The following MYO15B variants were observed in gnomAD, a reference collection of about 807,000 sequenced individuals.
The protein encoded by MYO15B is myosin XVB.
A neutral mutation model predicts 119.3 loss-of-function variants in MYO15B; 207 were observed. The observed-to-expected ratio is 1.73, with a 90% CI of 1.55 to 1.95. MYO15B has a LOEUF of 1.95. MYO15B is among the 30% of genes most tolerant of loss of function. The probability of loss-of-function intolerance (pLI) is 0.00; values close to 1 mark genes in which losing one functional copy is unlikely to be tolerated. For synonymous variants in MYO15B, 966 were observed against 498.9 expected (o/e 1.94, Z -12.48); for missense variants, 2,264 against 1,203.1 (o/e 1.88, Z -13.04).
At position 75,617,784 on chromosome 17, in the gene MYO15B, G is replaced by T. The variant is rs2058467840; in HGVS notation, c.6815-26G>T. On this transcript the variant is annotated intron_variant, in intron 41 of 63. Transcript: ENST00000645453. Reference sequence around the variant, plus strand: ...TCTGGCTCTGCAGCCCCTCACTGAGGCTCCTCACCCCCTCCTCTCTGCCAG... The same window carrying T: ...TCTGGCTCTGCAGCCCCTCACTGAGTCTCCTCACCCCCTCCTCTCTGCCAG... 7.2e-6 allele frequency: 5 copies of T among 692,066 alleles called. No individual in the cohort carries two copies. In the East Asian group the frequency reaches 1.4e-4, roughly 19 times the overall value. The allele number at this position is 692,066 out of a possible 1,614,324, so 42.9% of individuals were successfully genotyped here.
exon 48 of MYO15B, chr17:75,620,250 C>T: frequency 1.4e-6 from 1 of 702,836 alleles, no homozygotes; most frequent in South Asian, 1.5e-5. Flanking sequence ...CCACAGGACT[C>T]CGGCTATGTC....
chr17:75,615,072 G>T (rs570372785), intron 33 of MYO15B, 30 bp downstream of exon 33: 2 of 698,190 alleles, frequency 2.9e-6, no homozygotes, highest in African/African-American at 1.7e-5. Context: ...CTCACCCAGG[G>T]CCTCCGGGCC....
chr17:75,603,212 C>T (rs1568150131), exon 19 of MYO15B: 1 of 703,090 alleles, frequency 1.4e-6, no homozygotes, highest in East Asian at 2.7e-5. Context: ...TGACGTGGGA[C>T]ATGTGACAGA....
chr17:75,614,171 C>G (rs1327342186), intron 29 of MYO15B, 28 bp from the exon 30 acceptor site: 3 of 699,302 alleles, frequency 4.3e-6, no homozygotes, highest in African/African-American at 3.5e-5. Flanking sequence ...TGGCCGCCTG[C>G]CTCACTGACT....
chr17:75,606,792 A>C (rs2057685307), intron 21 of MYO15B: 1 of 389,582 alleles, frequency 2.6e-6, no homozygotes, highest in Non-Finnish European at 4.5e-6. Flanking sequence ...TTTTCAAAGC[A>C]TGAATCATGT....
chr17:75,594,648 C>T, intron 10 of MYO15B, 53 bp from the exon 11 acceptor site: 2 of 699,984 alleles, frequency 2.9e-6, no homozygotes, highest in Admixed American at 2.0e-5. Flanking sequence ...GCTGAGTAAG[C>T]ACCATGAGGG....
intron 23 of MYO15B, 114 bp downstream of exon 23, chr17:75,611,073 A>G (rs946393411): frequency 2.0e-5 from 14 of 685,842 alleles, no homozygotes; most frequent in Non-Finnish European, 3.8e-5. Context: ...AGGGCCATGC[A>G]TTGCACCTCC....
exon 55 of MYO15B, chr17:75,623,960 C>A (rs1598936662): frequency 1.4e-6 from 1 of 703,028 alleles, no homozygotes; most frequent in African/African-American, 1.7e-5. Flanking sequence ...GAACACTGCA[C>A]TCGAGGCTGG....
At chr17:75,613,271 G>A (rs1473239426) in intron 27 of MYO15B, 22 bp from the exon 28 acceptor site, 4 of 669,092 alleles carry the variant, frequency 6.0e-6, no homozygotes, top group Non-Finnish European at 1.1e-5. Context: ...TGCCTCCACT[G>A]CAGCCTGTGC....
At chr17:75,609,718 C>CCCTT (rs2057894946) in intron 21 of MYO15B, among the ~76,000 whole-genome samples, 3 of 138,422 alleles carry the variant, frequency 2.2e-5, no homozygotes, top group Admixed American at 1.4e-4. Flanking sequence ...CTCCCTCCCT[C>CCCTT]CCTTCCTGAT....
intron 4 of MYO15B, 72 bp from the exon 5 acceptor site, chr17:75,591,529 C>T (rs2056449898): frequency 1.4e-6 from 1 of 697,584 alleles, no homozygotes; most frequent in Non-Finnish European, 2.6e-6. Context: ...GTGGCACATC[C>T]CACTTCCTGG....
chr17:75,602,778 GGTGGATGGGCAC>G (rs1390621097), intron 16 of MYO15B, 40 bp from the exon 17 acceptor site: 1 of 606,296 alleles, frequency 1.6e-6, no homozygotes, highest in Non-Finnish European at 2.9e-6. Context: ...CGGGCTGCAG[GGTGGATGGGCAC>G]GCCCCAGCGG....
exon 27 of MYO15B, chr17:75,613,015 G>A (rs2058124601): frequency 1.4e-6 from 1 of 696,064 alleles, no homozygotes; most frequent in Admixed American, 2.0e-5. Flanking sequence ...AGTCCTGGCA[G>A]AGGCAGATCA....
exon 25 of MYO15B, chr17:75,611,917 C>T (rs750863179): frequency 2.8e-6 from 2 of 702,976 alleles, no homozygotes; most frequent in South Asian, 3.0e-5. Context: ...GGAGCATCAC[C>T]GAGTGCCTGC....
chr17:75,592,910 C>T (rs2147729203), intron 9 of MYO15B, 70 bp downstream of exon 9: 1 of 662,186 alleles, frequency 1.5e-6, no homozygotes, highest in African/African-American at 1.8e-5. Context: ...GGTAATGACG[C>T]CAAATGCTGG....
intron 44 of MYO15B, 59 bp from the exon 45 acceptor site, chr17:75,619,299 C>T: frequency 1.4e-6 from 1 of 702,290 alleles, no homozygotes. Flanking sequence ...AGCATGGGAG[C>T]AAACTCTAGA....
exon 49 of MYO15B, chr17:75,620,542 ACTTTTC>A: frequency 1.4e-6 from 1 of 702,578 alleles, no homozygotes; most frequent in Non-Finnish European, 2.6e-6. Context: ...GCCGCTCCCG[ACTTTTC>A]CTTCTCCAAG....
intron 14 of MYO15B, 77 bp from the exon 15 acceptor site, chr17:75,601,361 T>A: frequency 1.5e-6 from 1 of 682,380 alleles, no homozygotes; most frequent in Non-Finnish European, 2.7e-6. Flanking sequence ...GCAGTACTCG[T>A]GCTCACCGGG....
At position 75,592,052 on chromosome 17, in the gene MYO15B, G is replaced by A. The variant is rs576558896; in HGVS notation, c.2623G>A (p.Gly875Ser). The A allele has an allele frequency of 5.7e-4, 401 of 702,842 alleles. 15 individuals are homozygous for A. The highest frequency in any genetic ancestry group is 5.3e-3 in the South Asian group (361 of 67,592). The allele number at this position is 702,842 out of a possible 1,614,324, so 43.5% of individuals were successfully genotyped here. A position where few individuals can be genotyped will look rare whatever the true frequency, so the allele number is the denominator to read the frequency against. The stretch of plus-strand genomic sequence containing the variant: ...CCTCAATGCCAATGCCAGCCGCTTC[G>A]GCCAGGTCTTCTGCCTCTACCTACA... The change falls in exon 6 of 64, where the codon GGC becomes AGC. Residue 875 changes from glycine to serine, a missense_variant. Coordinates refer to ENST00000645453, the Ensembl canonical transcript of MYO15B.
Sources: gnomAD v4.1 joint callset for allele counts (sites outside exome capture counted in the v4.1 genomes callset) on GRCh38, gnomAD v4.1.1 for gene constraint, MANE v1.5 for transcripts, NCBI Gene and HGNC (gene_info 2026-07-23, HGNC 2026-07-21) for gene names.